The following ARHGAP12 variants were observed in gnomAD, a reference collection of about 807,000 sequenced individuals.
The protein encoded by ARHGAP12 is rho GTPase-activating protein 12.
In ARHGAP12, 64 loss-of-function variants were observed where a neutral mutation model predicts 108.6. The ratio of observed to expected loss-of-function variants is 0.59; its 90% confidence interval spans 0.48 to 0.73. ARHGAP12 has a LOEUF of 0.73. Among genes scored for constraint, ARHGAP12 ranks in the 30% least tolerant of loss-of-function variants. The pLI, the probability that ARHGAP12 is intolerant of heterozygous loss-of-function variation, is 0.00. For missense variants in ARHGAP12, 940 were observed against 1,005.9 expected (o/e 0.93, Z 0.89); for synonymous variants, 312 against 337.2 (o/e 0.93, Z 0.82).
At chr10:31,904,952 T>C (rs190833327) in intron 3 of ARHGAP12, among the ~76,000 whole-genome samples, 4 of 152,238 alleles carry the variant, frequency 2.6e-5, no homozygotes, top group Non-Finnish European at 5.9e-5. Context: ...TGCAACTGCT[T>C]ATGAATCTAC....
At chr10:31,867,394 C>CT (rs1837366816) in intron 3 of ARHGAP12, among the ~76,000 whole-genome samples, 5 of 152,128 alleles carry the variant, frequency 3.3e-5, no homozygotes, top group Admixed American at 6.5e-5. Context: ...GGAATTAACA[C>CT]TGATTGATTA....
chr10:31,849,867 T>C (rs1455597905), intron 6 of ARHGAP12, among the ~76,000 whole-genome samples: 1 of 152,196 alleles, frequency 6.6e-6, no homozygotes, highest in Non-Finnish European at 1.5e-5. Context: ...CTTTTTTTCA[T>C]TAAAGGCATC....
intron 3 of ARHGAP12, 23 bp downstream of exon 3, chr10:31,908,149 C>T: frequency 2.0e-6 from 3 of 1,535,800 alleles, no homozygotes; most frequent in Non-Finnish European, 2.6e-6. Flanking sequence ...TACAGTGTTT[C>T]CTCATTCTAT....
intron 7 of ARHGAP12, among the ~76,000 whole-genome samples, chr10:31,841,023 A>G (rs186033771): frequency 2.4e-3 from 371 of 152,270 alleles, no homozygotes; most frequent in Non-Finnish European, 4.3e-3. Flanking sequence ...GATGATTCAT[A>G]AAGTAGAAAA....
chr10:31,847,007 T>C (rs1408715615), intron 6 of ARHGAP12, among the ~76,000 whole-genome samples: 1 of 148,826 alleles, frequency 6.7e-6, no homozygotes, highest in Non-Finnish European at 1.5e-5. Context: ...CTCTTTTACC[T>C]CCATTCCATT....
Position 31,809,249 on chromosome 10 carries a change from T to G in ARHGAP12, c.2109A>C (p.Leu703=), listed in dbSNP as rs780586597. 25 of 1,613,934 alleles carry G rather than the reference T, an allele frequency of 1.5e-5. 2 individuals are homozygous for G. The South Asian group carries it at 2.7e-4, about 18-fold the overall frequency. ...VSGNLAVIQK[L]RFAVNHDEKL... The stretch of plus-strand genomic sequence containing the variant: ...TCTTACCATGATTGACTGCAAACCT[T>G]AGTTTCTGGATCACTGCGAGGTTGC... The change falls in exon 17 of 20, where the codon CTA becomes CTC. Residue 703 remains leucine (L), a synonymous_variant. Transcript: ENST00000344936.
At chr10:31,865,618 G>A (rs1214368491) in intron 3 of ARHGAP12, among the ~76,000 whole-genome samples, 1 of 152,090 alleles carries the variant, frequency 6.6e-6, no homozygotes, top group African/African-American at 2.4e-5. Flanking sequence ...ACTCACGCCT[G>A]TAATCCCAGC....
chr10:31,914,148 T>C (rs1173925571), intron 1 of ARHGAP12, among the ~76,000 whole-genome samples: 1 of 152,224 alleles, frequency 6.6e-6, no homozygotes, highest in Non-Finnish European at 1.5e-5. Flanking sequence ...ATGCTTCTAA[T>C]ACAATTTTTT....
At chr10:31,904,492 G>A (rs1482730554) in intron 3 of ARHGAP12, among the ~76,000 whole-genome samples, 1 of 152,174 alleles carries the variant, frequency 6.6e-6, no homozygotes, top group East Asian at 1.9e-4. Flanking sequence ...GCAACATACA[G>A]GATTCCCGTG....
At position 31,908,535 on chromosome 10, in the gene ARHGAP12, C is replaced by A. The variant is rs755600268; in HGVS notation, c.321G>T (p.Val107=). Residue 107 remains valine, a synonymous_variant, in exon 3 of 20, where the codon GTG becomes GTT. Transcript: ENST00000344936. ...SLHLQRSTEN[V]NKLPELSSFG... ...AACTTGAAAGCTCAGGCAATTTGTTCACATTTTCTGTTGATCTCTGAAGAT... is the reference window on the plus strand; with the variant it reads ...AACTTGAAAGCTCAGGCAATTTGTTAACATTTTCTGTTGATCTCTGAAGAT... 19 of 1,614,040 alleles carry A rather than the reference C, an allele frequency of 1.2e-5. No individual in the cohort carries two copies. Among genetic ancestry groups the A allele is most frequent in the Non-Finnish European group, 1.5e-5 (18 of 1,180,032 alleles).
intron 13 of ARHGAP12, among the ~76,000 whole-genome samples, 183 bp downstream of exon 13, chr10:31,817,605 A>T (rs759583035): frequency 6.6e-6 from 1 of 152,250 alleles, no homozygotes; most frequent in Non-Finnish European, 1.5e-5. Context: ...CATAAGTGAG[A>T]ATGTTAAATC....
chr10:31,817,693 A>G, intron 13 of ARHGAP12, 95 bp downstream of exon 13: 1 of 779,922 alleles, frequency 1.3e-6, no homozygotes, highest in Non-Finnish European at 2.0e-6. Flanking sequence ...GTGCCTTTTC[A>G]CATATAGATT....
At chr10:31,819,202 TG>T (rs1278926950) in intron 12 of ARHGAP12, among the ~76,000 whole-genome samples, 7 of 152,200 alleles carry the variant, frequency 4.6e-5, no homozygotes, top group Non-Finnish European at 8.8e-5. Context: ...TCATGAGTCT[TG>T]GAAGAAAGGG....
chr10:31,809,714 ATTG>A (rs1834944689), intron 16 of ARHGAP12: 1 of 158,206 alleles, frequency 6.3e-6, no homozygotes, highest in African/African-American at 2.4e-5. Context: ...TAAAAACTTT[ATTG>A]AAGGCATCTG....
At chr10:31,841,092 TA>T (rs2132232445) in intron 7 of ARHGAP12, among the ~76,000 whole-genome samples, 1 of 152,098 alleles carries the variant, frequency 6.6e-6, no homozygotes, top group East Asian at 1.9e-4. Context: ...CCCACAGAAA[TA>T]AAAACCACAA....
chr10:31,861,374 T>G (rs1230772311), intron 4 of ARHGAP12, 21 bp downstream of exon 4: 2 of 1,573,742 alleles, frequency 1.3e-6, no homozygotes, highest in Admixed American at 4.0e-5. Context: ...AACTTGCAGT[T>G]GATTCCTTAA....
intron 6 of ARHGAP12, among the ~76,000 whole-genome samples, chr10:31,851,006 T>C (rs1286605393): frequency 6.6e-6 from 1 of 152,136 alleles, no homozygotes; most frequent in Non-Finnish European, 1.5e-5. Context: ...AATAGACTTT[T>C]TATTTGGATC....
intron 1 of ARHGAP12, among the ~76,000 whole-genome samples, chr10:31,914,682 C>A (rs1393334416): frequency 6.6e-6 from 1 of 152,108 alleles, no homozygotes; most frequent in African/African-American, 2.4e-5. Context: ...CCTTTATATA[C>A]TGTTGGTGTT....
At chr10:31,921,526 G>A (rs1839807329) in intron 1 of ARHGAP12, among the ~76,000 whole-genome samples, 1 of 152,084 alleles carries the variant, frequency 6.6e-6, no homozygotes, top group African/African-American at 2.4e-5. Flanking sequence ...AGCACTTTGG[G>A]AGGCAGAGTC....
Sources: allele counts gnomAD v4.1 joint callset (sites outside exome capture counted in the v4.1 genomes callset), GRCh38; gene constraint gnomAD v4.1.1; transcripts MANE v1.5; gene names NCBI Gene and HGNC (gene_info 2026-07-23, HGNC 2026-07-21).